The following GRIK2 variants were observed in gnomAD, a reference collection of about 807,000 sequenced individuals.
GRIK2 encodes the protein glutamate receptor ionotropic, kainate 2.
Under a neutral mutation model 100.3 loss-of-function variants are expected in GRIK2, and 32 were observed. The observed-to-expected ratio is 0.32, with a 90% CI of 0.24 to 0.43. The LOEUF (loss-of-function observed/expected upper bound fraction) is 0.43. Ranked by LOEUF, GRIK2 falls within the 20% of genes least tolerant of loss-of-function variation. The pLI, the probability that GRIK2 is intolerant of heterozygous loss-of-function variation, is 1.00. For missense variants in GRIK2, 843 were observed against 1,114.9 expected (o/e 0.76, Z 3.47); for synonymous variants, 417 against 389.4 (o/e 1.07, Z -0.83).
intron 2 of GRIK2, among the ~76,000 whole-genome samples, chr6:101,577,332 T>C (rs1202839282): frequency 2.6e-5 from 4 of 152,102 alleles, no homozygotes; most frequent in Admixed American, 2.6e-4. Flanking sequence ...TGAATGGTAG[T>C]AAATAACATA....
chr6:101,628,209 C>G (rs1582853170), intron 4 of GRIK2, among the ~76,000 whole-genome samples: 1 of 151,972 alleles, frequency 6.6e-6, no homozygotes, highest in African/African-American at 2.4e-5. Flanking sequence ...TAAAATTGGT[C>G]ATCTGCAAAT....
chr6:101,588,582 C>T (rs960290237), intron 2 of GRIK2, among the ~76,000 whole-genome samples: 1 of 152,008 alleles, frequency 6.6e-6, no homozygotes, highest in African/African-American at 2.4e-5. Context: ...GAGTTTGAAG[C>T]TGTAGTGCAC....
chr6:101,841,489 G>A (rs779690628), intron 10 of GRIK2, among the ~76,000 whole-genome samples: 9 of 151,478 alleles, frequency 5.9e-5, no homozygotes, highest in Non-Finnish European at 7.4e-5. Context: ...TCAGCCTCCC[G>A]AGTAGCTGGG....
chr6:101,510,658 G>A (rs915447534), intron 2 of GRIK2, among the ~76,000 whole-genome samples: 1 of 151,444 alleles, frequency 6.6e-6, no homozygotes, highest in Non-Finnish European at 1.5e-5. Flanking sequence ...GAGTAGCTGG[G>A]ATTACAGGCA....
intron 5 of GRIK2, among the ~76,000 whole-genome samples, chr6:101,678,640 TC>T (rs1343576951): frequency 6.6e-6 from 1 of 152,082 alleles, no homozygotes; most frequent in Non-Finnish European, 1.5e-5. Context: ...TTTAATAGGG[TC>T]CTATTTTGTG....
chr6:101,790,057 G>A (rs1346291463), intron 7 of GRIK2, among the ~76,000 whole-genome samples: 1 of 152,158 alleles, frequency 6.6e-6, no homozygotes. Context: ...CATTGATTTT[G>A]TATGCTGAGA....
intron 14 of GRIK2, among the ~76,000 whole-genome samples, chr6:101,929,290 T>C (rs115628838): frequency 0.013 from 1,972 of 152,262 alleles, 48 homozygotes; most frequent in African/African-American, 0.045. Flanking sequence ...GCCTACTCAC[T>C]GGGCCAAAGT....
chr6:101,760,594 A>ATTTATTATATATAATTAATTATATTTAAT (rs1342607421), intron 7 of GRIK2, among the ~76,000 whole-genome samples: 7 of 89,958 alleles, frequency 7.8e-5, no homozygotes, highest in African/African-American at 3.6e-4. Flanking sequence ...ATAATTATAT[A>ATTTATTATATATAATTAATTATATTTAAT]TAATTATATA....
In GRIK2 at chr6:101,457,468, C is replaced by T. The variant is rs558473675; in HGVS notation, c.115+58076C>T. On this transcript the variant is annotated intron_variant, in intron 2 of 16. Coordinates refer to ENST00000369134, the MANE Select transcript of GRIK2 (RefSeq NM_021956.5). Reference sequence around the variant, plus strand: ...GATTTCAGCAATTTTTTTTCACATCCGTATGTAATCTTTATTGGCCAAGAT... The same window carrying T: ...GATTTCAGCAATTTTTTTTCACATCTGTATGTAATCTTTATTGGCCAAGAT... Among the ~76,000 whole-genome samples the T allele has an allele frequency of 6.6e-5, 10 of 152,028 alleles. No individual in the cohort carries two copies. The South Asian group carries it at 8.3e-4, about 13-fold the overall frequency.
intron 7 of GRIK2, among the ~76,000 whole-genome samples, chr6:101,790,349 T>C (rs1227537275): frequency 1.3e-5 from 2 of 152,194 alleles, no homozygotes; most frequent in Non-Finnish European, 2.9e-5. Flanking sequence ...GGGTTTGTCA[T>C]AGATAGCTCT....
intron 4 of GRIK2, among the ~76,000 whole-genome samples, chr6:101,656,714 A>G (rs1282843919): frequency 6.6e-6 from 1 of 152,224 alleles, no homozygotes; most frequent in Non-Finnish European, 1.5e-5. Flanking sequence ...AGGCTGTATT[A>G]CATCTTTACT....
At chr6:101,698,536 G>A (rs1772657732) in intron 7 of GRIK2, among the ~76,000 whole-genome samples, 1 of 151,968 alleles carries the variant, frequency 6.6e-6, no homozygotes, top group Non-Finnish European at 1.5e-5. Context: ...TGAACCAGAA[G>A]GGGAAAGTGA....
At chr6:102,034,384 T>C (rs1171483251) in intron 14 of GRIK2, among the ~76,000 whole-genome samples, 1 of 151,402 alleles carries the variant, frequency 6.6e-6, no homozygotes, top group Non-Finnish European at 1.5e-5. Context: ...CCATATCTAT[T>C]TGCTTGAAAA....
chr6:101,596,179 C>G (rs1026296175), intron 2 of GRIK2, among the ~76,000 whole-genome samples: 2 of 150,150 alleles, frequency 1.3e-5, no homozygotes, highest in Admixed American at 6.7e-5. Flanking sequence ...GTCAACTGAC[C>G]CTTGCAGAAT....
At chr6:101,587,811 T>C (rs970277059) in intron 2 of GRIK2, among the ~76,000 whole-genome samples, 8 of 152,046 alleles carry the variant, frequency 5.3e-5, no homozygotes, top group Non-Finnish European at 8.8e-5. Flanking sequence ...TACAGTTATT[T>C]TCAAGCCAAC....
At chr6:101,737,558 A>T (rs920962240) in intron 7 of GRIK2, among the ~76,000 whole-genome samples, 35 of 151,970 alleles carry the variant, frequency 2.3e-4, no homozygotes, top group African/African-American at 8.2e-4. Context: ...CAGGAGAGAG[A>T]CTCGCCCCAA....
intron 7 of GRIK2, among the ~76,000 whole-genome samples, chr6:101,763,489 C>G (rs1777857478): frequency 6.6e-6 from 1 of 152,134 alleles, no homozygotes; most frequent in African/African-American, 2.4e-5. Context: ...ATTTTTCTTA[C>G]TATGTGGAAG....
At chr6:101,501,206 A>C (rs1422410940) in intron 2 of GRIK2, among the ~76,000 whole-genome samples, 1 of 152,144 alleles carries the variant, frequency 6.6e-6, no homozygotes, top group Non-Finnish European at 1.5e-5. Flanking sequence ...GATTCTATGC[A>C]AACAAATTTG....
intron 2 of GRIK2, among the ~76,000 whole-genome samples, chr6:101,599,209 T>C (rs1470097370): frequency 2.0e-5 from 3 of 151,988 alleles, no homozygotes; most frequent in South Asian, 2.1e-4. Context: ...CTCAAGATAA[T>C]GGTCTCTAGC....
Sources: allele counts gnomAD v4.1 joint callset (sites outside exome capture counted in the v4.1 genomes callset), GRCh38; gene constraint gnomAD v4.1.1; transcripts MANE v1.5; gene names NCBI Gene and HGNC (gene_info 2026-07-23, HGNC 2026-07-21).